Variants in JAZF1 observed in about 807,000 individuals in gnomAD.
The protein encoded by JAZF1 is juxtaposed with another zinc finger protein 1.
JAZF1 carries 8 observed loss-of-function variants against 26.4 expected under a neutral mutation model. That is an observed-to-expected ratio of 0.30 (90% confidence interval 0.18 to 0.55). The LOEUF (loss-of-function observed/expected upper bound fraction) is 0.55. JAZF1 is among the 20% of genes least tolerant of loss of function. The pLI is 0.94. For missense variants in JAZF1, 199 were observed against 322.0 expected, an observed-to-expected ratio of 0.62 and a Z score of 2.92; for synonymous variants, 126 against 122.3, an observed-to-expected ratio of 1.03 and a Z score of -0.20.
chr7:27,902,785 G>A (rs1208598476), intron 2 of JAZF1, among the ~76,000 whole-genome samples: 10 of 152,148 alleles, frequency 6.6e-5, no homozygotes, highest in South Asian at 2.1e-4. Flanking sequence ...GGGAGGCCGA[G>A]ATGGGCAGAT....
intron 2 of JAZF1, among the ~76,000 whole-genome samples, chr7:27,909,403 C>CA (rs11323038): frequency 1.5e-4 from 23 of 148,736 alleles, no homozygotes; most frequent in African/African-American, 2.0e-4. Context: ...GGCATAATTT[C>CA]AAAAAAAAAA....
At chr7:27,978,111 A>G (rs1422980960) in intron 2 of JAZF1, among the ~76,000 whole-genome samples, 1 of 152,252 alleles carries the variant, frequency 6.6e-6, no homozygotes, top group Non-Finnish European at 1.5e-5. Context: ...AGGCAGTAGC[A>G]GCTCCTTGTT....
chr7:27,926,666 T>C (rs554431659), intron 2 of JAZF1, among the ~76,000 whole-genome samples: 15 of 152,324 alleles, frequency 9.8e-5, no homozygotes, highest in Admixed American at 2.6e-4. Context: ...GTCAGTGATG[T>C]AGACAAAAAG....
At chr7:27,963,722 G>GGTTTT (rs34421458) in intron 2 of JAZF1, among the ~76,000 whole-genome samples, 2 of 150,578 alleles carry the variant, frequency 1.3e-5, no homozygotes, top group Non-Finnish European at 3.0e-5. Flanking sequence ...TCACCACACC[G>GGTTTT]GTTTTGTTTT....
chr7:27,894,103 G>A (rs1360554781), intron 3 of JAZF1, among the ~76,000 whole-genome samples: 1 of 152,210 alleles, frequency 6.6e-6, no homozygotes, highest in Non-Finnish European at 1.5e-5. Flanking sequence ...GAAGACAAGA[G>A]TGATCTTGTT....
intron 3 of JAZF1, chr7:27,863,933 C>T (rs1391710374): frequency 6.6e-6 from 1 of 152,226 alleles, no homozygotes; most frequent in Non-Finnish European, 1.5e-5. Context: ...AAGTGAAACT[C>T]ACAAGTTGAT....
chr7:27,845,619 C>T (rs1410057859), intron 3 of JAZF1, among the ~76,000 whole-genome samples: 3 of 150,226 alleles, frequency 2.0e-5, no homozygotes, highest in Admixed American at 6.6e-5. Context: ...ATCGCTTGAA[C>T]CCGGGAGGCA....
chr7:27,975,601 T>C (rs1352289961), intron 2 of JAZF1, among the ~76,000 whole-genome samples: 1 of 152,168 alleles, frequency 6.6e-6, no homozygotes, highest in East Asian at 1.9e-4. Flanking sequence ...AGCTCTTGCT[T>C]ATGACAAAGT....
At chr7:27,847,386 C>A (rs898793011) in intron 3 of JAZF1, among the ~76,000 whole-genome samples, 4 of 152,090 alleles carry the variant, frequency 2.6e-5, no homozygotes, top group African/African-American at 9.7e-5. Context: ...GTTGCTTTCT[C>A]CCCCACATTC....
chr7:27,955,180 A>G (rs1045974518), intron 2 of JAZF1, among the ~76,000 whole-genome samples: 8 of 152,224 alleles, frequency 5.3e-5, no homozygotes, highest in African/African-American at 1.7e-4. Context: ...CATGTTCAAC[A>G]TTGGTTTCTG....
chr7:27,944,241 T>C (rs1246120521), intron 2 of JAZF1, among the ~76,000 whole-genome samples: 1 of 152,258 alleles, frequency 6.6e-6, no homozygotes, highest in African/African-American at 2.4e-5. Flanking sequence ...GTTAGATGCA[T>C]ATCTGTAGTC....
intron 4 of JAZF1, among the ~76,000 whole-genome samples, chr7:27,838,204 T>G (rs367901732): frequency 6.6e-6 from 1 of 152,168 alleles, no homozygotes; most frequent in Non-Finnish European, 1.5e-5. Flanking sequence ...AAACTGTTTT[T>G]CTCTTGTTAA....
At chr7:28,088,641 C>A (rs1241554353) in intron 1 of JAZF1, among the ~76,000 whole-genome samples, 1 of 152,176 alleles carries the variant, frequency 6.6e-6, no homozygotes, top group Admixed American at 6.5e-5. Flanking sequence ...CAACCCTTGT[C>A]CTAATATCTC....
intron 4 of JAZF1, among the ~76,000 whole-genome samples, chr7:27,833,872 G>A (rs1782756697): frequency 6.6e-6 from 1 of 152,160 alleles, no homozygotes; most frequent in Non-Finnish European, 1.5e-5. Context: ...GTGAGGAAAT[G>A]GGCTTGAGGG....
chr7:27,850,910 G>C (rs1471917571), intron 3 of JAZF1, among the ~76,000 whole-genome samples: 1 of 150,594 alleles, frequency 6.6e-6, no homozygotes, highest in Non-Finnish European at 1.5e-5. Flanking sequence ...TCTTTAGATA[G>C]TATTAAATAA....
At chr7:27,834,549 G>A (rs1345915054) in intron 4 of JAZF1, among the ~76,000 whole-genome samples, 1 of 152,178 alleles carries the variant, frequency 6.6e-6, no homozygotes, top group Non-Finnish European at 1.5e-5. Context: ...CAAACATAAG[G>A]TACTTCAGTC....
intron 1 of JAZF1, among the ~76,000 whole-genome samples, chr7:28,127,597 T>A (rs1782718030): frequency 6.6e-6 from 1 of 151,862 alleles, no homozygotes; most frequent in Non-Finnish European, 1.5e-5. Context: ...AAAGCAGAGA[T>A]AAATGTCAAA....
chr7:28,035,469 G>A (rs1257659324), intron 1 of JAZF1, among the ~76,000 whole-genome samples: 2 of 151,602 alleles, frequency 1.3e-5, no homozygotes, highest in African/African-American at 4.9e-5. Context: ...GAGATAGAGA[G>A]TATCATCAAA....
chr7:27,918,030 T>C (rs778273468), intron 2 of JAZF1, among the ~76,000 whole-genome samples: 5 of 152,168 alleles, frequency 3.3e-5, no homozygotes, highest in South Asian at 2.1e-4. Context: ...CTTCCTGCTA[T>C]AGTGATTACA....
Sources: gnomAD v4.1 joint callset for allele counts (sites outside exome capture counted in the v4.1 genomes callset) on GRCh38, gnomAD v4.1.1 for gene constraint, MANE v1.5 for transcripts, NCBI Gene and HGNC (gene_info 2026-07-23, HGNC 2026-07-21) for gene names.